Variants in PDE4D observed in about 807,000 individuals in gnomAD.
PDE4D encodes phosphodiesterase 4D.
In PDE4D, 24 loss-of-function variants were observed where a neutral mutation model predicts 87.4. That is an observed-to-expected ratio of 0.27 (90% CI 0.20 to 0.39). The LOEUF is 0.39. PDE4D is among the 10% of genes least tolerant of loss of function. The pLI is 1.00. For missense variants in PDE4D, 714 were observed against 1,041.0 expected (o/e 0.69, Z 4.32); for synonymous variants, 384 against 383.2 (o/e 1.00, Z -0.02).
chr5:59,077,100 G>T (rs1220051752), intron 5 of PDE4D, among the ~76,000 whole-genome samples: 3 of 152,240 alleles, frequency 2.0e-5, no homozygotes, highest in Middle Eastern at 3.4e-3. Flanking sequence ...AATTGGTCAA[G>T]TTACTTAACC....
chr5:60,442,145 GT>G (rs1230545580), intron 1 of PDE4D, among the ~76,000 whole-genome samples: 1 of 152,154 alleles, frequency 6.6e-6, no homozygotes, highest in African/African-American at 2.4e-5. Context: ...GCACGCGTAT[GT>G]TTATTGTGGC....
chr5:60,140,198 A>G (rs1328135682), intron 2 of PDE4D, among the ~76,000 whole-genome samples: 3 of 152,216 alleles, frequency 2.0e-5, no homozygotes, highest in Non-Finnish European at 4.4e-5. Flanking sequence ...AGTGCATATT[A>G]TATCCATGAA....
chr5:60,213,809 C>A (rs1743535137), intron 1 of PDE4D, among the ~76,000 whole-genome samples: 1 of 152,070 alleles, frequency 6.6e-6, no homozygotes, highest in African/African-American at 2.4e-5. Context: ...CCCTCAATTG[C>A]CCTGTAAATC....
At chr5:59,990,900 C>A (rs1344310153) in intron 2 of PDE4D, among the ~76,000 whole-genome samples, 1 of 152,126 alleles carries the variant, frequency 6.6e-6, no homozygotes, top group Non-Finnish European at 1.5e-5. Flanking sequence ...CCCAAGGAAA[C>A]CAGGATGATT....
At chr5:59,477,480 G>A (rs989860533) in intron 1 of PDE4D, among the ~76,000 whole-genome samples, 1 of 151,666 alleles carries the variant, frequency 6.6e-6, no homozygotes, top group African/African-American at 2.4e-5. Flanking sequence ...CATTGGCTAG[G>A]TTCAGGTAAG....
chr5:60,518,372 C>A (rs1300074030), intron 1 of PDE4D, among the ~76,000 whole-genome samples: 3 of 152,208 alleles, frequency 2.0e-5, no homozygotes, highest in Non-Finnish European at 4.4e-5. Flanking sequence ...CAAAGCAACA[C>A]CCCAAGGATC....
At chr5:59,253,430 C>T (rs1760362741) in intron 1 of PDE4D, among the ~76,000 whole-genome samples, 1 of 152,106 alleles carries the variant, frequency 6.6e-6, no homozygotes, top group African/African-American at 2.4e-5. Context: ...GGATGCGGTA[C>T]TTGTTCTGGG....
At chr5:59,088,819 G>A (rs1222973348) in intron 5 of PDE4D, among the ~76,000 whole-genome samples, 1 of 152,140 alleles carries the variant, frequency 6.6e-6, no homozygotes. Context: ...AGAGGATCAG[G>A]AAAATCAACT....
intron 3 of PDE4D, among the ~76,000 whole-genome samples, chr5:59,952,066 GT>G (rs1457399300): frequency 1.3e-5 from 2 of 152,148 alleles, no homozygotes; most frequent in Non-Finnish European, 2.9e-5. Flanking sequence ...CATGGGGGCA[GT>G]TTCCCCCATC....
intron 3 of PDE4D, among the ~76,000 whole-genome samples, chr5:59,937,733 T>C (rs1015510455): frequency 6.6e-6 from 1 of 152,180 alleles, no homozygotes; most frequent in African/African-American, 2.4e-5. Context: ...ACATTTGAAT[T>C]TGGGGGGAAC....
chr5:60,370,028 C>T lies in PDE4D; in HGVS notation c.-90+117914G>A, dbSNP rs1760887332. ...TAGTTTCATTTTTTTTCAATTAGTGCCTCTGTAAAGTCCTAAATTAGAGAA... is the reference window on the plus strand; with the variant it reads ...TAGTTTCATTTTTTTTCAATTAGTGTCTCTGTAAAGTCCTAAATTAGAGAA... On this transcript the variant is annotated intron_variant, in intron 1 of 16. Transcript: ENST00000502484. 2.6e-5 allele frequency among the ~76,000 whole-genome samples: 4 copies of T among 151,998 alleles called. No individual in the cohort carries two copies. In the South Asian group the frequency reaches 6.2e-4, roughly 24 times the overall value.
chr5:59,591,215 C>T (rs1176957372), intron 1 of PDE4D, among the ~76,000 whole-genome samples: 1 of 152,166 alleles, frequency 6.6e-6, no homozygotes, highest in Non-Finnish European at 1.5e-5. Context: ...ATACTTTCTA[C>T]ACAAATTCTT....
intron 1 of PDE4D, among the ~76,000 whole-genome samples, chr5:60,400,521 CAAAAAAAAA>C: frequency 1.6e-5 from 1 of 62,326 alleles, no homozygotes; most frequent in Non-Finnish European, 2.8e-5. Flanking sequence ...GACTCCATCT[CAAAAAAAAA>C]AAAAAAAAAA....
At chr5:60,242,292 A>G (rs1057263087) in intron 1 of PDE4D, among the ~76,000 whole-genome samples, 8 of 152,180 alleles carry the variant, frequency 5.3e-5, no homozygotes, top group African/African-American at 1.9e-4. Flanking sequence ...AATTATAAAT[A>G]GGTGTAACCA....
chr5:59,781,166 CA>C (rs11450737), intron 1 of PDE4D, among the ~76,000 whole-genome samples: 76 of 69,118 alleles, frequency 1.1e-3, no homozygotes, highest in East Asian at 1.7e-3. Flanking sequence ...AACTCCTTCT[CA>C]AAAAAAAAAA....
intron 2 of PDE4D, among the ~76,000 whole-genome samples, chr5:60,174,307 A>T (rs1783732729): frequency 6.6e-6 from 1 of 152,176 alleles, no homozygotes; most frequent in African/African-American, 2.4e-5. Flanking sequence ...AGAAGGAAAT[A>T]GCAATAACTA....
intron 1 of PDE4D, among the ~76,000 whole-genome samples, chr5:60,306,182 TA>T (rs146593076): frequency 0.037 from 5,646 of 152,034 alleles, 260 homozygotes; most frequent in African/African-American, 0.11. Flanking sequence ...CCTTTAAAAA[TA>T]AAAACGCAAA....
intron 3 of PDE4D, among the ~76,000 whole-genome samples, chr5:59,959,403 G>A (rs1759219555): frequency 6.6e-6 from 1 of 152,014 alleles, no homozygotes; most frequent in South Asian, 2.1e-4. Flanking sequence ...GAGCAGAATA[G>A]CCAAAGCAAT....
chr5:60,177,118 C>T (rs1420087424), intron 2 of PDE4D, among the ~76,000 whole-genome samples: 3 of 152,012 alleles, frequency 2.0e-5, no homozygotes, highest in Non-Finnish European at 4.4e-5. Flanking sequence ...CAGTAAAGTT[C>T]GGTTGCATGT....
Sources: allele counts gnomAD v4.1 joint callset (sites outside exome capture counted in the v4.1 genomes callset), GRCh38; gene constraint gnomAD v4.1.1; transcripts MANE v1.5; gene names NCBI Gene and HGNC (gene_info 2026-07-23, HGNC 2026-07-21).